Variants in SORCS2 observed in about 807,000 individuals in gnomAD.
The protein encoded by SORCS2 is VPS10 domain-containing receptor SorCS2.
SORCS2 carries 100 observed loss-of-function variants against 141.6 expected under a neutral mutation model. The observed-to-expected ratio is 0.71, with a 90% CI of 0.60 to 0.83. The LOEUF (loss-of-function observed/expected upper bound fraction) is 0.83, where lower values mean the gene tolerates loss of function less well. SORCS2 is among the 40% of genes least tolerant of loss of function. The pLI, the probability that SORCS2 is intolerant of heterozygous loss-of-function variation, is 0.00. For missense variants in SORCS2, 1,646 were observed against 1,560.2 expected (o/e 1.05, Z -0.93); for synonymous variants, 789 against 676.9 (o/e 1.17, Z -2.57).
chr4:7,413,470 T>A (rs538211746), intron 2 of SORCS2, among the ~76,000 whole-genome samples: 3 of 140,994 alleles, frequency 2.1e-5, no homozygotes, highest in Non-Finnish European at 4.5e-5. Context: ...CTTGGCTCAC[T>A]GCAACCTCCA....
chr4:7,694,361 G>A (rs148725213), intron 11 of SORCS2, among the ~76,000 whole-genome samples: 1 of 152,250 alleles, frequency 6.6e-6, no homozygotes, highest in African/African-American at 2.4e-5. Context: ...GTCAGCCTCA[G>A]CTTTCTGGAG....
chr4:7,446,186 G>T (rs189465727), intron 2 of SORCS2, among the ~76,000 whole-genome samples: 2 of 152,018 alleles, frequency 1.3e-5, no homozygotes, highest in Non-Finnish European at 2.9e-5. Flanking sequence ...GGAGGGGAGG[G>T]GAGGGGAGGG....
At chr4:7,600,636 T>C (rs1717596370) in intron 3 of SORCS2, among the ~76,000 whole-genome samples, 1 of 140,158 alleles carries the variant, frequency 7.1e-6, no homozygotes, top group African/African-American at 2.7e-5. Flanking sequence ...CGTTTTTAGA[T>C]TACGATATAC....
intron 1 of SORCS2, among the ~76,000 whole-genome samples, chr4:7,315,797 G>A (rs971221170): frequency 4.6e-5 from 7 of 152,160 alleles, no homozygotes; most frequent in African/African-American, 1.7e-4. Context: ...TCTCCCCAGT[G>A]ACTAGCTGTG....
intron 11 of SORCS2, among the ~76,000 whole-genome samples, chr4:7,695,524 G>A (rs1400321311): frequency 5.2e-5 from 1 of 19,332 alleles, no homozygotes; most frequent in African/African-American, 2.0e-4. Flanking sequence ...GGGTGGGTGA[G>A]TGGATGGGTG....
intron 2 of SORCS2, among the ~76,000 whole-genome samples, chr4:7,418,513 A>G (rs1725838040): frequency 6.6e-6 from 1 of 152,204 alleles, no homozygotes. Context: ...TGGAGTTGGC[A>G]GGGCGCAGGA....
intron 2 of SORCS2, among the ~76,000 whole-genome samples, chr4:7,511,424 G>A (rs1293413822): frequency 7.9e-6 from 1 of 126,906 alleles, no homozygotes; most frequent in African/African-American, 2.7e-5. Flanking sequence ...AGGGAGAGAG[G>A]GGCGGGGTTG....
intron 1 of SORCS2, among the ~76,000 whole-genome samples, chr4:7,368,639 G>A (rs1312044304): frequency 6.6e-6 from 1 of 152,224 alleles, no homozygotes; most frequent in Non-Finnish European, 1.5e-5. Context: ...CCACCTCCCT[G>A]GTTCATGGGA....
intron 3 of SORCS2, among the ~76,000 whole-genome samples, chr4:7,637,403 G>A (rs1391343116): frequency 1.3e-5 from 2 of 152,168 alleles, no homozygotes; most frequent in Non-Finnish European, 2.9e-5. Flanking sequence ...CTCCCCGTCC[G>A]TCCCTGGTCC....
chr4:7,495,756 A>T (rs1026222949), intron 2 of SORCS2, among the ~76,000 whole-genome samples: 1 of 152,216 alleles, frequency 6.6e-6, no homozygotes, highest in Non-Finnish European at 1.5e-5. Flanking sequence ...CTCTTGAACA[A>T]TGCAGGCCCT....
chr4:7,222,610 A>C (rs1728777086), intron 1 of SORCS2, among the ~76,000 whole-genome samples: 1 of 152,108 alleles, frequency 6.6e-6, no homozygotes, highest in Middle Eastern at 3.2e-3. Context: ...CTGGCATGCG[A>C]ATGAGATTCC....
chr4:7,310,712 C>T (rs985754773), intron 1 of SORCS2, among the ~76,000 whole-genome samples: 12 of 152,206 alleles, frequency 7.9e-5, no homozygotes, highest in Admixed American at 3.3e-4. Context: ...GAGTCTTCCA[C>T]GGTTCTGACC....
chr4:7,406,162 T>C (rs570582306), intron 2 of SORCS2, among the ~76,000 whole-genome samples: 5 of 151,818 alleles, frequency 3.3e-5, no homozygotes, highest in African/African-American at 1.2e-4. Context: ...GTGTTGAGGA[T>C]TGTTGGATCA....
At chr4:7,359,472 T>C (rs1012150296) in intron 1 of SORCS2, among the ~76,000 whole-genome samples, 1 of 152,202 alleles carries the variant, frequency 6.6e-6, no homozygotes, top group African/African-American at 2.4e-5. Flanking sequence ...TCAGGAAATG[T>C]GCTCAGGGGA....
In SORCS2 at chr4:7,725,153, G is replaced by C. The variant is rs1312325232; in HGVS notation, c.2612-1G>C. ...ACCCTGGCCTTTTTGGGTCCCCACA[G>C]CCCCCCTGCAGGCCCTCTACCTGGA... is the stretch of plus-strand genomic sequence containing the variant. On this transcript the variant is annotated splice_acceptor_variant, in intron 19 of 26. Transcript: ENST00000507866. LOFTEE classifies it high-confidence loss of function. The C allele has an allele frequency of 6.2e-7, 1 of 1,612,348 alleles. No individual in the cohort carries two copies. The highest frequency in any genetic ancestry group is 8.5e-7 in the Non-Finnish European group (1 of 1,179,158).
chr4:7,585,610 C>A (rs1248072476), intron 3 of SORCS2, among the ~76,000 whole-genome samples: 1 of 152,238 alleles, frequency 6.6e-6, no homozygotes, highest in East Asian at 1.9e-4. Flanking sequence ...ACTAACTTAT[C>A]ACCATTTCAT....
At chr4:7,277,341 G>A (rs920735784) in intron 1 of SORCS2, among the ~76,000 whole-genome samples, 2 of 152,216 alleles carry the variant, frequency 1.3e-5, no homozygotes, top group African/African-American at 4.8e-5. Context: ...AGCTCGCTGA[G>A]CGGGGGTCTC....
intron 1 of SORCS2, among the ~76,000 whole-genome samples, chr4:7,385,900 T>A (rs1417644618): frequency 6.6e-6 from 1 of 152,172 alleles, no homozygotes; most frequent in Non-Finnish European, 1.5e-5. Flanking sequence ...ACCGAATGCT[T>A]CCACCAGCAT....
At chr4:7,350,673 C>T (rs1319292010) in intron 1 of SORCS2, among the ~76,000 whole-genome samples, 2 of 152,224 alleles carry the variant, frequency 1.3e-5, no homozygotes, top group African/African-American at 4.8e-5. Context: ...GTGACCAGGC[C>T]CGTGGGAGGC....
Sources: gnomAD v4.1 joint callset for allele counts (sites outside exome capture counted in the v4.1 genomes callset) on GRCh38, gnomAD v4.1.1 for gene constraint, MANE v1.5 for transcripts, NCBI Gene and HGNC (gene_info 2026-07-23, HGNC 2026-07-21) for gene names.